Variants in RBMS3 observed in about 807,000 individuals in gnomAD.
RBMS3 encodes the protein RNA binding motif single stranded interacting protein 3.
In RBMS3, 27 loss-of-function variants were observed where a neutral mutation model predicts 66.8. That is an observed-to-expected ratio of 0.40 (90% CI 0.30 to 0.56). The LOEUF is 0.56. Ranked by LOEUF, RBMS3 falls within the 20% of genes least tolerant of loss-of-function variation. The pLI, the probability that RBMS3 is intolerant of heterozygous loss-of-function variation, is 0.40. For synonymous variants in RBMS3, 188 were observed against 183.0 expected (o/e 1.03, Z -0.22); for missense variants, 513 against 549.5 (o/e 0.93, Z 0.66).
At chr3:29,423,703 G>A (rs2040838523) in intron 1 of RBMS3, among the ~76,000 whole-genome samples, 1 of 152,170 alleles carries the variant, frequency 6.6e-6, no homozygotes, top group East Asian at 1.9e-4. Flanking sequence ...ACCCACGTAT[G>A]TTTTTCAGCA....
intron 4 of RBMS3, among the ~76,000 whole-genome samples, chr3:29,659,053 G>A (rs1209157975): frequency 2.6e-5 from 4 of 152,116 alleles, no homozygotes; most frequent in Admixed American, 6.5e-5. Flanking sequence ...TCCTGACCTC[G>A]TAATCTGCCC....
At chr3:29,539,574 G>C (rs952638928) in intron 3 of RBMS3, among the ~76,000 whole-genome samples, 13 of 152,162 alleles carry the variant, frequency 8.5e-5, no homozygotes, top group Non-Finnish European at 1.8e-4. Flanking sequence ...AATAAAAGAA[G>C]AATCAACAGA....
intron 3 of RBMS3, among the ~76,000 whole-genome samples, chr3:29,552,664 A>G (rs1023490765): frequency 6.6e-6 from 1 of 152,124 alleles, no homozygotes; most frequent in African/African-American, 2.4e-5. Flanking sequence ...ATATTGACTG[A>G]AGAAAAGAAA....
chr3:29,360,134 A>T (rs2037482497), intron 1 of RBMS3, among the ~76,000 whole-genome samples: 1 of 151,728 alleles, frequency 6.6e-6, no homozygotes, highest in Non-Finnish European at 1.5e-5. Context: ...TTTCATTGTG[A>T]TGTTAGGGTG....
At position 29,352,818 on chromosome 3, in the gene RBMS3, A is replaced by C. The variant is rs1035341588; in HGVS notation, c.75+71062A>C. On this transcript the variant is annotated intron_variant, in intron 1 of 14. Coordinates refer to ENST00000383767, the MANE Select transcript of RBMS3 (RefSeq NM_001003793.3). ...TATGAGATCAACTTTTTTAGCTCCC[A>C]CATGTGACTGAGAATATGCAATATT... Among the ~76,000 whole-genome samples the C allele has an allele frequency of 4.6e-5, 7 of 151,940 alleles. 1 individual carries two copies. The South Asian group carries it at 1.5e-3, about 31-fold the overall frequency.
At chr3:29,616,272 G>C (rs927087250) in intron 4 of RBMS3, 2 of 152,276 alleles carry the variant, frequency 1.3e-5, no homozygotes, top group African/African-American at 4.8e-5. Flanking sequence ...AGATCACGAG[G>C]TCAGGACCTC....
At chr3:29,691,931 T>TTCTCTCTCTCTCTC (rs146758867) in intron 4 of RBMS3, among the ~76,000 whole-genome samples, 3 of 114,860 alleles carry the variant, frequency 2.6e-5, no homozygotes, top group South Asian at 3.1e-4. Context: ...TGTGTGACCC[T>TTCTCTCTCTCTCTC]TCTCTCTCTC....
At chr3:29,551,421 C>A (rs866991950) in intron 3 of RBMS3, among the ~76,000 whole-genome samples, 1 of 152,070 alleles carries the variant, frequency 6.6e-6, no homozygotes, top group Admixed American at 6.6e-5. Context: ...TAGATGTATT[C>A]GCTTATGCTT....
At chr3:29,438,648 T>C (rs2041491381) in intron 2 of RBMS3, among the ~76,000 whole-genome samples, 1 of 152,218 alleles carries the variant, frequency 6.6e-6, no homozygotes, top group African/African-American at 2.4e-5. Context: ...TTTGGATGAA[T>C]ACATTATACT....
chr3:29,863,023 T>G (rs1169320433), intron 6 of RBMS3, among the ~76,000 whole-genome samples: 1 of 152,152 alleles, frequency 6.6e-6, no homozygotes, highest in African/African-American at 2.4e-5. Flanking sequence ...GACGATTATG[T>G]GAATTTTAGT....
At chr3:29,623,041 G>C (rs142720281) in intron 4 of RBMS3, among the ~76,000 whole-genome samples, 2 of 149,334 alleles carry the variant, frequency 1.3e-5, no homozygotes, top group East Asian at 2.0e-4. Flanking sequence ...GGCGTGAACT[G>C]GCAAGCTTGC....
intron 6 of RBMS3, among the ~76,000 whole-genome samples, chr3:29,779,862 G>A (rs1337804342): frequency 1.3e-5 from 2 of 150,302 alleles, no homozygotes; most frequent in Non-Finnish European, 3.0e-5. Context: ...ATTTGAGTAA[G>A]CTTTTTTTTT....
chr3:29,634,429 A>T (rs1426580232), intron 4 of RBMS3, among the ~76,000 whole-genome samples: 1 of 151,840 alleles, frequency 6.6e-6, no homozygotes, highest in Non-Finnish European at 1.5e-5. Flanking sequence ...CTGTACATGG[A>T]AAATAGCTGG....
chr3:29,332,361 T>C (rs1331439481), intron 1 of RBMS3, among the ~76,000 whole-genome samples: 1 of 152,148 alleles, frequency 6.6e-6, no homozygotes. Flanking sequence ...TATTCACAAA[T>C]GAAATGTTAT....
intron 3 of RBMS3, among the ~76,000 whole-genome samples, chr3:29,516,953 C>T (rs2044650086): frequency 6.6e-6 from 1 of 151,970 alleles, no homozygotes; most frequent in Non-Finnish European, 1.5e-5. Flanking sequence ...TGGTGCAATC[C>T]TGTAATTCCA....
chr3:29,690,004 T>A (rs551595002), intron 4 of RBMS3, among the ~76,000 whole-genome samples: 62 of 144,456 alleles, frequency 4.3e-4, no homozygotes, highest in African/African-American at 1.5e-3. Flanking sequence ...ATCTAGCTAC[T>A]GGCTAACCAA....
intron 12 of RBMS3, among the ~76,000 whole-genome samples, chr3:29,980,911 C>G (rs559917862): frequency 6.6e-6 from 1 of 152,030 alleles, no homozygotes; most frequent in African/African-American, 2.4e-5. Flanking sequence ...CTTGGCTATG[C>G]AGGCTCTTTT....
rs550423528 is a variant in RBMS3, at chr3:29,468,242, C to A, written c.249-20199C>A. On this transcript the variant is annotated intron_variant, in intron 2 of 14. Coordinates refer to ENST00000383767, the MANE Select transcript of RBMS3 (RefSeq NM_001003793.3). ...AAATTGTTGATGTGCTTGAAACATT[C>A]CATTCATCAAAAAGAAACAGTGGAC... Among the ~76,000 whole-genome samples, 7 of 152,232 alleles carry A rather than the reference C, an allele frequency of 4.6e-5. No homozygotes were observed. In the East Asian group the frequency reaches 1.2e-3, roughly 25 times the overall value.
rs1491414695 is a variant in RBMS3, at chr3:29,580,680, AAT to A, written c.308-6430_308-6429del. The stretch of plus-strand genomic sequence containing the variant: ...GTAGTAGATGCTTAGTAAATTTAAT[AAT>A]ATAATAATAATAATAATAATAATAA... On this transcript the variant is annotated intron_variant, in intron 3 of 14. Coordinates refer to ENST00000383767, the MANE Select transcript of RBMS3 (RefSeq NM_001003793.3). Among the ~76,000 whole-genome samples the A allele has an allele frequency of 3.7e-4, 49 of 134,090 alleles. 1 individual carries two copies. Among genetic ancestry groups the A allele is most frequent in the Non-Finnish European group, 2.3e-4 (15 of 64,524 alleles). The allele number at this position is 134,090 out of a possible 152,430, so 88.0% of individuals were successfully genotyped here. A position where few individuals can be genotyped will look rare whatever the true frequency, so the allele number is the denominator to read the frequency against.
Sources: gnomAD v4.1 joint callset for allele counts (sites outside exome capture counted in the v4.1 genomes callset) on GRCh38, gnomAD v4.1.1 for gene constraint, MANE v1.5 for transcripts, NCBI Gene and HGNC (gene_info 2026-07-23, HGNC 2026-07-21) for gene names.